CHRNA6: variants seen among roughly 807,000 people sequenced by gnomAD.
The protein encoded by CHRNA6 is cholinergic receptor nicotinic alpha 6 subunit.
A neutral mutation model predicts 40.9 loss-of-function variants in CHRNA6; 31 were observed. The ratio of observed to expected loss-of-function variants is 0.76; its 90% CI spans 0.57 to 1.02. The LOEUF is 1.02. CHRNA6 is among the 50% of genes least tolerant of loss of function. The pLI is 0.00. For synonymous variants in CHRNA6, 222 were observed against 221.3 expected (o/e 1.00, Z -0.03); for missense variants, 546 against 596.6 (o/e 0.92, Z 0.88).
chr8:42,768,408 C>A lies in CHRNA6; in HGVS notation c.23G>T (p.Gly8Val), dbSNP rs1248313490. MLTSKGQ[G>V]FLHGGLCLWL... Reference sequence around the variant, plus strand: ...GAGACACAAGCCCCCATGAAGGAATCCCTGCCCCTTGCTGGTCAGCATGGT... The same window carrying A: ...GAGACACAAGCCCCCATGAAGGAATACCTGCCCCTTGCTGGTCAGCATGGT... The change falls in exon 1 of 6, where the codon GGA becomes GTA. Residue 8 changes from glycine to valine, a missense_variant. Physicochemically the swap from Gly to Val is moderately radical, Grantham distance 109. Transcript: ENST00000276410. 1 of 1,613,910 alleles carries A rather than the reference C, an allele frequency of 6.2e-7. No individual in the cohort carries two copies. The highest frequency in any genetic ancestry group is 8.5e-7 in the Non-Finnish European group (1 of 1,179,900).
intron 5 of CHRNA6, 143 bp downstream of exon 5, chr8:42,755,703 C>T: frequency 1.1e-6 from 1 of 951,828 alleles, no homozygotes. Context: ...CCCATAACCA[C>T]ATAATAACAG....
In CHRNA6 at chr8:42,756,135, A is replaced by G. The variant is rs1816795200; in HGVS notation, c.1064T>C (p.Met355Thr). The change falls in exon 5 of 6, where the codon ATG becomes ACG. Residue 355 changes from methionine (M) to threonine (T), a missense_variant. Physicochemically the swap from Met to Thr is moderately conservative, Grantham distance 81 (BLOSUM62 -1). Around this residue, in one of 3 missense-constraint regions of CHRNA6, gnomAD observed 476 missense variants for 494.5 expected, o/e 0.96. Coordinates refer to ENST00000276410, the MANE Select transcript of CHRNA6 (RefSeq NM_004198.3). ...FLKLLPQVLL[M>T]RWPLDKTRGT... ...CCTTGTCTTGTCCAGAGGCCACCTC[A>G]TCAGCAGGACCTGGGGCAGCAGCTT... The G allele has an allele frequency of 6.2e-7, 1 of 1,614,258 alleles. No homozygotes were observed. The highest frequency in any genetic ancestry group is 1.7e-5 in the Admixed American group (1 of 60,036).
At position 42,756,644 on chromosome 8, in the gene CHRNA6, T is replaced by G. The variant is rs1184329212; in HGVS notation, c.555A>C (p.Glu185Asp). Residue 185 changes from glutamate to aspartate, a missense_variant, in exon 5 of 6, where the codon GAA becomes GAC. Physicochemically the swap from Glu to Asp is conservative, Grantham distance 45 (BLOSUM62 2). Coordinates refer to ENST00000276410, the MANE Select transcript of CHRNA6 (RefSeq NM_004198.3). ...TTGATCCAATGATTAGAAGATCAAT[T>G]TCAGCTTTGTCATACGTCCAGGAAC... is the stretch of plus-strand genomic sequence containing the variant. ...KFGSWTYDKA[E>D]IDLLIIGSKV... The G allele has an allele frequency of 1.2e-6, 2 of 1,614,018 alleles. No individual in the cohort carries two copies. Among genetic ancestry groups the G allele is most frequent in the Non-Finnish European group, 1.7e-6 (2 of 1,180,004 alleles).
intron 5 of CHRNA6, among the ~76,000 whole-genome samples, chr8:42,755,269 A>ATTTGTTTGTTTGTT (rs1563623352): frequency 6.7e-6 from 1 of 148,256 alleles, no homozygotes; most frequent in African/African-American, 2.5e-5. Flanking sequence ...GTTGCCCTGA[A>ATTTGTTTGTTTGTT]TGTTTGTTTG....
rs1439581086 is a variant in CHRNA6, at chr8:42,758,367, TG to T, written c.264+701del. 4.6e-3 allele frequency among the ~76,000 whole-genome samples: 704 copies of T among 152,008 alleles called. 4 individuals carry two copies. Among genetic ancestry groups the T allele is most frequent in the African/African-American group, 0.016 (668 of 41,424 alleles). On this transcript the variant is annotated intron_variant, in intron 3 of 5. Coordinates refer to ENST00000276410, the MANE Select transcript of CHRNA6 (RefSeq NM_004198.3). Reference sequence around the variant, plus strand: ...CTTCCTTTCTGTTTTTTTTTTGTTTTGTTTTGTTTTCAAGACAGAGTCTCGC... The same window carrying T: ...CTTCCTTTCTGTTTTTTTTTTGTTTTTTTTGTTTTCAAGACAGAGTCTCGC...
intron 2 of CHRNA6, among the ~76,000 whole-genome samples, chr8:42,762,899 C>T (rs781263451): frequency 7.2e-5 from 11 of 152,100 alleles, no homozygotes; most frequent in Non-Finnish European, 1.3e-4. Context: ...ACAAGGGATC[C>T]CTCCGTTATT....
chr8:42,767,580 AC>A (rs1373782926), intron 1 of CHRNA6, among the ~76,000 whole-genome samples: 9 of 152,246 alleles, frequency 5.9e-5, no homozygotes, highest in Non-Finnish European at 1.3e-4. Context: ...CTGTTAAATT[AC>A]TAAATGGAAA....
intron 2 of CHRNA6, 37 bp from the exon 3 acceptor site, chr8:42,759,150 G>A (rs1279627939): frequency 5.8e-6 from 9 of 1,563,766 alleles, no homozygotes; most frequent in East Asian, 4.5e-5. Flanking sequence ...CCTCAAATGT[G>A]CTTGCCATAG....
intron 1 of CHRNA6, among the ~76,000 whole-genome samples, chr8:42,766,401 A>G (rs1816975698): frequency 6.6e-6 from 1 of 152,154 alleles, no homozygotes; most frequent in Non-Finnish European, 1.5e-5. Flanking sequence ...CTTAGGCAGG[A>G]GAATGGCATG....
At position 42,761,192 on chromosome 8, in the gene CHRNA6, C is replaced by T. The variant is rs866389368; in HGVS notation, c.220-2079G>A. Among the ~76,000 whole-genome samples, 12 of 152,310 alleles carry T rather than the reference C, an allele frequency of 7.9e-5. No individual in the cohort carries two copies. In the South Asian group the frequency reaches 1.4e-3, roughly 18 times the overall value. The stretch of plus-strand genomic sequence containing the variant: ...GCCTGTGACAAGACAGGGTAAGCCC[C>T]GGGATTTGAAAGGTCAGCAAAGGAG... On this transcript the variant is annotated intron_variant, in intron 2 of 5. Coordinates refer to ENST00000276410, the MANE Select transcript of CHRNA6 (RefSeq NM_004198.3).
At position 42,757,011 on chromosome 8, in the gene CHRNA6, C is replaced by G. The variant is rs202156793; in HGVS notation, c.291G>C (p.Trp97Cys). The G allele has an allele frequency of 3.3e-4, 527 of 1,612,658 alleles. 2 individuals carry two copies. In the South Asian group the frequency reaches 3.8e-3, roughly 12 times the overall value. Residue 97 changes from tryptophan to cysteine, a missense_variant, in exon 4 of 6, where the codon TGG becomes TGC. Physicochemically the swap from Trp to Cys is radical, Grantham distance 215. Around this residue, in one of 3 missense-constraint regions of CHRNA6, gnomAD observed 476 missense variants for 494.5 expected, o/e 0.96. Coordinates refer to ENST00000276410, the MANE Select transcript of CHRNA6 (RefSeq NM_004198.3). The part of the protein sequence containing the change: ...RHIWNDYKLR[W>C]DPMEYDGIET... ...CAATGCCATCATATTCCATTGGATC[C>G]CAGCGCAATTTATAATCATTCCAGA...
chr8:42,766,087 A>G (rs997060595), intron 1 of CHRNA6, among the ~76,000 whole-genome samples: 2 of 152,240 alleles, frequency 1.3e-5, no homozygotes, highest in African/African-American at 4.8e-5. Context: ...AAAGGAATAT[A>G]AATCATTCTA....
At chr8:42,753,479 G>A (rs1056571165) in intron 5 of CHRNA6, among the ~76,000 whole-genome samples, 169 bp from the exon 6 acceptor site, 8 of 152,276 alleles carry the variant, frequency 5.3e-5, no homozygotes, top group Admixed American at 1.3e-4. Flanking sequence ...TTCAAGACCA[G>A]CCTGGGCAAC....
chr8:42,760,371 C>T (rs1816885656), intron 2 of CHRNA6, among the ~76,000 whole-genome samples: 1 of 151,144 alleles, frequency 6.6e-6, no homozygotes, highest in Admixed American at 6.6e-5. Context: ...ATCATGCAAA[C>T]TCATATACCC....
intron 4 of CHRNA6, 37 bp from the exon 5 acceptor site, chr8:42,756,861 T>C: frequency 6.2e-7 from 1 of 1,609,576 alleles, no homozygotes; most frequent in Non-Finnish European, 8.5e-7. Context: ...TAACACTCCC[T>C]TTGCTATAGG....
chr8:42,760,735 GT>G (rs1352046287), intron 2 of CHRNA6, among the ~76,000 whole-genome samples: 3 of 152,218 alleles, frequency 2.0e-5, no homozygotes, highest in African/African-American at 7.2e-5. Flanking sequence ...CTTTGAGGAG[GT>G]AATGTTTAAG....
intron 2 of CHRNA6, among the ~76,000 whole-genome samples, chr8:42,763,927 C>T (rs943259268): frequency 3.3e-5 from 5 of 152,148 alleles, no homozygotes; most frequent in African/African-American, 1.2e-4. Flanking sequence ...AGGGCCACCG[C>T]CGCCTCACCC....
At chr8:42,759,844 G>T (rs1321299884) in intron 2 of CHRNA6, among the ~76,000 whole-genome samples, 2 of 150,260 alleles carry the variant, frequency 1.3e-5, no homozygotes, top group Non-Finnish European at 2.9e-5. Flanking sequence ...AGGTTGCAGT[G>T]AGCGGAGATC....
intron 1 of CHRNA6, among the ~76,000 whole-genome samples, 180 bp from the exon 2 acceptor site, chr8:42,765,384 T>G (rs1434361525): frequency 6.6e-6 from 1 of 152,234 alleles, no homozygotes; most frequent in Admixed American, 6.5e-5. Context: ...CCTCTGTGCC[T>G]CAGCTGTTCA....
Sources: allele counts gnomAD v4.1 joint callset (sites outside exome capture counted in the v4.1 genomes callset), GRCh38; gene constraint gnomAD v4.1.1; regional missense constraint gnomAD v4.1.1; transcripts MANE v1.5; gene names NCBI Gene and HGNC (gene_info 2026-07-23, HGNC 2026-07-21).